ADGRL3: variants seen among roughly 807,000 people sequenced by gnomAD.
ADGRL3 encodes the protein adhesion G protein-coupled receptor L3, also known as calcium-independent alpha-latrotoxin receptor 3.
ADGRL3 carries 62 observed loss-of-function variants against 153.5 expected under a neutral mutation model. That is an observed-to-expected ratio of 0.40 (90% CI 0.33 to 0.50). The LOEUF is 0.50. Ranked by LOEUF, ADGRL3 falls within the 20% of genes least tolerant of loss-of-function variation. The pLI is 0.47. For missense variants in ADGRL3, 1,641 were observed against 1,859.4 expected (o/e 0.88, Z 2.16); for synonymous variants, 710 against 672.5 (o/e 1.06, Z -0.86).
At chr4:61,758,832 C>T (rs1231432736) in intron 8 of ADGRL3, among the ~76,000 whole-genome samples, 1 of 152,148 alleles carries the variant, frequency 6.6e-6, no homozygotes, top group Non-Finnish European at 1.5e-5. Context: ...TGTTCCTTTC[C>T]ATGTTTAGTG....
At chr4:61,385,967 G>GT (rs1578571202) in intron 2 of ADGRL3, among the ~76,000 whole-genome samples, 2 of 152,238 alleles carry the variant, frequency 1.3e-5, no homozygotes, top group East Asian at 3.9e-4. Context: ...GAATGCAGAG[G>GT]TTAGCTCTGT....
chr4:61,833,379 A>T (rs1367352946), intron 9 of ADGRL3, among the ~76,000 whole-genome samples: 1 of 152,172 alleles, frequency 6.6e-6, no homozygotes, highest in Non-Finnish European at 1.5e-5. Flanking sequence ...ATTCGCTGAG[A>T]GCCAGCTGTG....
intron 25 of ADGRL3, among the ~76,000 whole-genome samples, chr4:62,061,728 A>G (rs1740293141): frequency 6.6e-6 from 1 of 151,946 alleles, no homozygotes; most frequent in Non-Finnish European, 1.5e-5. Flanking sequence ...AACTTTTGGG[A>G]TTGACTTTTC....
At chr4:61,737,779 G>A (rs977726918) in intron 8 of ADGRL3, among the ~76,000 whole-genome samples, 1 of 151,940 alleles carries the variant, frequency 6.6e-6, no homozygotes, top group Non-Finnish European at 1.5e-5. Flanking sequence ...GCACCCTCTA[G>A]ATACAAACAT....
intron 1 of ADGRL3, among the ~76,000 whole-genome samples, chr4:61,221,313 C>T (rs1380952536): frequency 6.6e-6 from 1 of 152,076 alleles, no homozygotes; most frequent in African/African-American, 2.4e-5. Flanking sequence ...TCTGAAAGCA[C>T]CTGTAGATGT....
At position 61,620,627 on chromosome 4, in the gene ADGRL3, A is replaced by G. The variant is rs1225874629; in HGVS notation, c.473+33187A>G. Among the ~76,000 whole-genome samples, 5 of 134,996 alleles carry G rather than the reference A, an allele frequency of 3.7e-5. No individual in the cohort carries two copies. In the East Asian group the frequency reaches 8.7e-4, roughly 24 times the overall value. The allele number at this position is 134,996 out of a possible 152,430, so 88.6% of individuals were successfully genotyped here. A position where few individuals can be genotyped will look rare whatever the true frequency, so the allele number is the denominator to read the frequency against. On this transcript the variant is annotated intron_variant, in intron 5 of 26. Coordinates refer to ENST00000683033, the MANE Select transcript of ADGRL3 (RefSeq NM_001387552.1). ...CTGGTGTATGGTATATATAGTGTAA[A>G]TTGTGACTTTTTTTTTTTTTTTTTT...
chr4:61,532,539 C>CGT (rs1365500949), intron 4 of ADGRL3, among the ~76,000 whole-genome samples: 2 of 48,838 alleles, frequency 4.1e-5, no homozygotes, highest in South Asian at 8.0e-4. Context: ...CATGCGCGCG[C>CGT]GCGCGCGCGC....
intron 17 of ADGRL3, among the ~76,000 whole-genome samples, chr4:61,973,007 A>G (rs2150698365): frequency 6.6e-6 from 1 of 152,194 alleles, no homozygotes; most frequent in African/African-American, 2.4e-5. Context: ...TTTTCAAAAA[A>G]GAAGAAAAAA....
intron 9 of ADGRL3, among the ~76,000 whole-genome samples, chr4:61,874,591 C>T (rs562477065): frequency 1.7e-3 from 204 of 119,238 alleles, no homozygotes; most frequent in Non-Finnish European, 3.0e-3. Flanking sequence ...CGTTTGTTTG[C>T]ATGTGTTTTT....
At chr4:61,845,794 G>T (rs2149061645) in intron 9 of ADGRL3, among the ~76,000 whole-genome samples, 1 of 152,076 alleles carries the variant, frequency 6.6e-6, no homozygotes, top group East Asian at 1.9e-4. Context: ...ATGGCCATCT[G>T]GAGAAAAATC....
chr4:61,686,150 A>C (rs981857540), intron 6 of ADGRL3, among the ~76,000 whole-genome samples: 2 of 152,112 alleles, frequency 1.3e-5, no homozygotes, highest in Non-Finnish European at 2.9e-5. Context: ...TATGCATTTA[A>C]ATTTCATTCA....
At chr4:61,612,419 GA>G (rs1305427915) in intron 5 of ADGRL3, among the ~76,000 whole-genome samples, 8 of 152,080 alleles carry the variant, frequency 5.3e-5, no homozygotes, top group Non-Finnish European at 1.2e-4. Context: ...TGAAAAGAAT[GA>G]TAGTTATTTC....
intron 9 of ADGRL3, among the ~76,000 whole-genome samples, chr4:61,839,785 G>GA (rs59712885): frequency 0.034 from 4,989 of 146,976 alleles, 141 homozygotes; most frequent in East Asian, 0.14. Flanking sequence ...CCCTCCCCCC[G>GA]AAAAAAAAAA....
intron 17 of ADGRL3, among the ~76,000 whole-genome samples, chr4:61,973,951 C>T (rs973655959): frequency 3.3e-5 from 5 of 152,118 alleles, no homozygotes; most frequent in East Asian, 1.9e-4. Flanking sequence ...CTGCTTTCTT[C>T]GGATGCTTTG....
intron 19 of ADGRL3, among the ~76,000 whole-genome samples, chr4:61,995,992 C>A (rs2099120331): frequency 6.6e-6 from 1 of 151,932 alleles, no homozygotes; most frequent in African/African-American, 2.4e-5. Flanking sequence ...ATGTGTATGG[C>A]TTTTTCTTTC....
chr4:61,453,530 T>A (rs961306532), intron 2 of ADGRL3, among the ~76,000 whole-genome samples: 8 of 152,256 alleles, frequency 5.3e-5, no homozygotes, highest in Non-Finnish European at 1.5e-5. Context: ...TTATTTATTT[T>A]TTTAATAGGC....
chr4:62,003,341 C>G (rs913768513), intron 21 of ADGRL3, among the ~76,000 whole-genome samples: 2 of 152,166 alleles, frequency 1.3e-5, no homozygotes, highest in Non-Finnish European at 2.9e-5. Flanking sequence ...TAAAGATACA[C>G]CTTTTACTTT....
At chr4:61,716,492 G>A (rs2096119451) in intron 6 of ADGRL3, among the ~76,000 whole-genome samples, 1 of 152,118 alleles carries the variant, frequency 6.6e-6, no homozygotes, top group Non-Finnish European at 1.5e-5. Context: ...TATTGAGTTA[G>A]CTTGTAGCGA....
At chr4:61,950,989 A>G (rs1402796227) in intron 17 of ADGRL3, among the ~76,000 whole-genome samples, 1 of 152,222 alleles carries the variant, frequency 6.6e-6, no homozygotes, top group African/African-American at 2.4e-5. Context: ...CACTGTAGTT[A>G]GAAATTGGAG....
Sources: allele counts gnomAD v4.1 joint callset (sites outside exome capture counted in the v4.1 genomes callset), GRCh38; gene constraint gnomAD v4.1.1; transcripts MANE v1.5; gene names NCBI Gene and HGNC (gene_info 2026-07-23, HGNC 2026-07-21).